The following EPB41L3 variants were observed in gnomAD, a reference collection of about 807,000 sequenced individuals.
The protein encoded by EPB41L3 is band 4.1-like protein 3.
EPB41L3 carries 57 observed loss-of-function variants against 127.1 expected under a neutral mutation model. The observed-to-expected ratio is 0.45, with a 90% CI of 0.36 to 0.56. The LOEUF (loss-of-function observed/expected upper bound fraction) is 0.56, where lower values mean the gene tolerates loss of function less well. Ranked by LOEUF, EPB41L3 falls within the 20% of genes least tolerant of loss-of-function variation. The pLI is 0.00. For missense variants in EPB41L3, 1,273 were observed against 1,372.2 expected (o/e 0.93, Z 1.14); for synonymous variants, 572 against 549.5 (o/e 1.04, Z -0.57).
rs371099425 is a variant in EPB41L3 at position 5,415,859 on chromosome 18, C to T, written c.2026G>A (p.Ala676Thr). Residue 676 changes from alanine to threonine, a missense_variant, in exon 13 of 23, where the codon GCC (alanine) becomes ACC (threonine). Ala to Thr is a moderately conservative substitution (Grantham distance 58, BLOSUM62 0). Coordinates refer to ENST00000341928, the MANE Select transcript of EPB41L3 (RefSeq NM_012307.5). The part of the protein sequence containing the change: ...YLEPKAASLS[A>T]SLDNDPSDSS... ...TCACTCGGGTCATTGTCTAGGGAGG[C>T]GCTCAAGGAGGCCGCCTTGGGCTCC... 8.1e-6 allele frequency: 13 copies of T among 1,613,228 alleles called. No homozygotes were observed. The highest frequency in any genetic ancestry group is 5.5e-5 in the South Asian group (5 of 91,052).
intron 3 of EPB41L3, among the ~76,000 whole-genome samples, chr18:5,611,396 A>T (rs2094723688): frequency 6.6e-6 from 1 of 152,352 alleles, no homozygotes; most frequent in East Asian, 1.9e-4. Flanking sequence ...TCAGACACTT[A>T]CATGAGGTAT....
In EPB41L3 at chr18:5,407,811, CA is replaced by C. The variant is rs144865558; in HGVS notation, c.2122-76del. ...TCTAAGATTGAAGAACTATGGTCTA[CA>C]TAGACTTGCTAAATGTGGGCACGTG... On this transcript the variant is annotated intron_variant, in intron 14 of 22. Transcript: ENST00000341928. 1.1e-3 allele frequency: 1,543 copies of C among 1,434,202 alleles called. 13 individuals are homozygous for C. In the African/African-American group the frequency reaches 0.019, roughly 18 times the overall value. 88.8% of individuals were successfully genotyped at this position (1,434,202 alleles called of 1,614,324 possible).
upstream of EPB41L3, among the ~76,000 whole-genome samples, chr18:5,547,725 A>T (rs2093904009): frequency 6.6e-6 from 1 of 152,198 alleles, no homozygotes; most frequent in Non-Finnish European, 1.5e-5. Context: ...ATCCCCCATG[A>T]ACCTCTATTC....
At chr18:5,447,882 T>G (rs909665519) in intron 3 of EPB41L3, among the ~76,000 whole-genome samples, 1 of 152,250 alleles carries the variant, frequency 6.6e-6, no homozygotes, top group African/African-American at 2.4e-5. Flanking sequence ...TAAACATATT[T>G]TAAACACTGG....
At chr18:5,558,942 G>C (rs1192797440) in intron 3 of EPB41L3, among the ~76,000 whole-genome samples, 1 of 152,150 alleles carries the variant, frequency 6.6e-6, no homozygotes, top group African/African-American at 2.4e-5. Flanking sequence ...TCAAGTATGA[G>C]TTTTTTGAAT....
chr18:5,433,831 G>A, intron 7 of EPB41L3, 72 bp downstream of exon 7: 1 of 1,498,736 alleles, frequency 6.7e-7, no homozygotes. Flanking sequence ...TCAGTACTGG[G>A]AAGAGGTGGG....
chr18:5,454,613 G>T (rs941981975), intron 3 of EPB41L3, among the ~76,000 whole-genome samples: 1 of 152,170 alleles, frequency 6.6e-6, no homozygotes, highest in Non-Finnish European at 1.5e-5. Flanking sequence ...CACATATATT[G>T]TCAGTCCTTT....
intron 16 of EPB41L3, chr18:5,400,268 A>G (rs1427358758): frequency 1.7e-5 from 4 of 242,290 alleles, no homozygotes; most frequent in African/African-American, 7.0e-5. Context: ...GCATAATACA[A>G]TATGACCAGG....
intron 1 of EPB41L3, among the ~76,000 whole-genome samples, chr18:5,498,541 C>T (rs1394647961): frequency 8.0e-6 from 1 of 125,310 alleles, no homozygotes; most frequent in Non-Finnish European, 1.6e-5. Flanking sequence ...TTGCAGTGAG[C>T]CGAGATAGCA....
chr18:5,556,847 G>A (rs959841651), intron 3 of EPB41L3, among the ~76,000 whole-genome samples: 1 of 152,158 alleles, frequency 6.6e-6, no homozygotes, highest in African/African-American at 2.4e-5. Flanking sequence ...GGATCATTGA[G>A]AGGATTAAAT....
At chr18:5,395,507 C>T in intron 20 of EPB41L3, 102 bp downstream of exon 20, 1 of 1,099,108 alleles carries the variant, frequency 9.1e-7, no homozygotes, top group Non-Finnish European at 1.4e-6. Flanking sequence ...GAGCTTCAAG[C>T]CACCTTGTGC....
At chr18:5,630,621 G>A (rs781075121), upstream of EPB41L3, 25 of 461,472 alleles carry the variant, frequency 5.4e-5, no homozygotes, top group Non-Finnish European at 9.0e-5. Context: ...CTGCGGTGGC[G>A]GCACCTCCAA....
intron 1 of EPB41L3, among the ~76,000 whole-genome samples, chr18:5,624,928 G>C (rs1009556983): frequency 2.0e-5 from 3 of 152,178 alleles, no homozygotes; most frequent in African/African-American, 7.2e-5. Context: ...GGTGGTGTTT[G>C]AGTGCAGGAT....
intron 1 of EPB41L3, among the ~76,000 whole-genome samples, chr18:5,510,644 C>T (rs545660733): frequency 1.4e-4 from 22 of 152,248 alleles, no homozygotes; most frequent in African/African-American, 4.6e-4. Flanking sequence ...TATCCTGCGC[C>T]GCATTCTTGG....
At chr18:5,549,108 C>T (rs1447637233), upstream of EPB41L3, among the ~76,000 whole-genome samples, 2 of 152,196 alleles carry the variant, frequency 1.3e-5, no homozygotes, top group African/African-American at 2.4e-5. Flanking sequence ...AATGCTATCT[C>T]CTCTTTAGGA....
chr18:5,541,934 C>T (rs550669609), intron 1 of EPB41L3, among the ~76,000 whole-genome samples: 1 of 152,312 alleles, frequency 6.6e-6, no homozygotes, highest in Admixed American at 6.5e-5. Flanking sequence ...ACTAAATAAA[C>T]TTGATGCAGT....
intron 1 of EPB41L3, among the ~76,000 whole-genome samples, chr18:5,623,893 G>C (rs1426736397): frequency 6.6e-6 from 1 of 152,066 alleles, no homozygotes; most frequent in Non-Finnish European, 1.5e-5. Flanking sequence ...CTGGCCTCTA[G>C]TGATTCACCC....
intron 1 of EPB41L3, among the ~76,000 whole-genome samples, chr18:5,618,937 C>T (rs1439941555): frequency 2.0e-5 from 3 of 152,154 alleles, no homozygotes; most frequent in East Asian, 3.8e-4. Context: ...TTTGATTACA[C>T]CTTTAACACC....
rs747012160 is a variant in EPB41L3, at chr18:5,478,449, C to G, written c.184-11G>C. ...TTCCTTGTCAGTGACCTGTGAAGAG[C>G]AAACAATCAACAGTTTTCATTGCAA... On this transcript the variant is annotated splice_polypyrimidine_tract_variant and intron_variant, in intron 2 of 22. Coordinates refer to ENST00000341928, the MANE Select transcript of EPB41L3 (RefSeq NM_012307.5). The G allele has an allele frequency of 1.2e-6, 2 of 1,613,366 alleles. No homozygotes were observed. Among genetic ancestry groups the G allele is most frequent in the Admixed American group, 1.7e-5 (1 of 60,000 alleles).
Sources: gnomAD v4.1 joint callset for allele counts (sites outside exome capture counted in the v4.1 genomes callset) on GRCh38, gnomAD v4.1.1 for gene constraint, MANE v1.5 for transcripts, NCBI Gene and HGNC (gene_info 2026-07-23, HGNC 2026-07-21) for gene names.